GRIK1: variants seen among roughly 807,000 people sequenced by gnomAD.
GRIK1 encodes glutamate receptor ionotropic, kainate 1.
A neutral mutation model predicts 105.7 loss-of-function variants in GRIK1; 69 were observed. The observed-to-expected ratio is 0.65, with a 90% CI of 0.54 to 0.80. The LOEUF is 0.80. Among genes scored for constraint, GRIK1 ranks in the 30% least tolerant of loss-of-function variants. GRIK1 has a pLI of 0.00. For missense variants in GRIK1, 1,109 were observed against 1,167.3 expected (o/e 0.95, Z 0.73); for synonymous variants, 438 against 431.3 (o/e 1.02, Z -0.19).
intron 1 of GRIK1, among the ~76,000 whole-genome samples, chr21:29,851,962 G>A (rs2068320430): frequency 6.6e-6 from 1 of 152,130 alleles, no homozygotes; most frequent in Admixed American, 6.5e-5. Context: ...CACTTACTTA[G>A]ATGTGACATA....
At chr21:29,677,074 C>T (rs1013750642) in intron 3 of GRIK1, among the ~76,000 whole-genome samples, 68 of 152,298 alleles carry the variant, frequency 4.5e-4, no homozygotes, top group African/African-American at 1.5e-3. Flanking sequence ...GTCAAGATAT[C>T]TGCAGCTTAC....
chr21:29,821,844 A>G (rs1216327990), intron 1 of GRIK1, among the ~76,000 whole-genome samples: 2 of 152,070 alleles, frequency 1.3e-5, no homozygotes, highest in African/African-American at 2.4e-5. Context: ...CTATTTTATC[A>G]TACATTTTAT....
chr21:29,777,597 G>A (rs2065979150), intron 1 of GRIK1, among the ~76,000 whole-genome samples: 1 of 152,148 alleles, frequency 6.6e-6, no homozygotes, highest in African/African-American at 2.4e-5. Flanking sequence ...AGAGTGTTAA[G>A]GACATAGGTG....
At chr21:29,782,879 C>T (rs1457874773) in intron 1 of GRIK1, among the ~76,000 whole-genome samples, 1 of 152,134 alleles carries the variant, frequency 6.6e-6, no homozygotes, top group Non-Finnish European at 1.5e-5. Flanking sequence ...AACAATGCTG[C>T]AATGAACATC....
intron 1 of GRIK1, among the ~76,000 whole-genome samples, chr21:29,934,082 T>G (rs1216728023): frequency 8.5e-5 from 13 of 152,190 alleles, no homozygotes; most frequent in Admixed American, 8.5e-4. Context: ...TCTCCATCAA[T>G]CCTTCCTCTA....
At chr21:29,910,870 A>G (rs992068979) in intron 1 of GRIK1, among the ~76,000 whole-genome samples, 1 of 152,036 alleles carries the variant, frequency 6.6e-6, no homozygotes, top group African/African-American at 2.4e-5. Context: ...ATTAAAGAAG[A>G]CAATTGATTT....
At chr21:29,636,675 T>C (rs1402994448) in intron 7 of GRIK1, among the ~76,000 whole-genome samples, 1 of 152,220 alleles carries the variant, frequency 6.6e-6, no homozygotes, top group Non-Finnish European at 1.5e-5. Flanking sequence ...TCTGTTTCCC[T>C]TTCAGCTCTT....
At chr21:29,594,227 CTG>C (rs749675484) in intron 9 of GRIK1, among the ~76,000 whole-genome samples, 3 of 152,004 alleles carry the variant, frequency 2.0e-5, no homozygotes, top group Non-Finnish European at 4.4e-5. Flanking sequence ...ATGTGTGTAC[CTG>C]TGTCTTTTAA....
chr21:29,757,960 C>G (rs575593903), intron 1 of GRIK1, among the ~76,000 whole-genome samples: 1 of 152,350 alleles, frequency 6.6e-6, no homozygotes, highest in African/African-American at 2.4e-5. Flanking sequence ...CTATCTATGA[C>G]AAGTATTTCT....
chr21:29,806,069 T>G (rs1441271560), intron 1 of GRIK1, among the ~76,000 whole-genome samples: 2 of 152,202 alleles, frequency 1.3e-5, no homozygotes, highest in Non-Finnish European at 2.9e-5. Context: ...AAAATTGTGC[T>G]GTGACACCAA....
intron 7 of GRIK1, among the ~76,000 whole-genome samples, chr21:29,640,298 A>G (rs975535200): frequency 6.6e-6 from 1 of 152,052 alleles, no homozygotes; most frequent in African/African-American, 2.4e-5. Context: ...TCTCTTTTGC[A>G]TGTTTTAGGT....
intron 1 of GRIK1, among the ~76,000 whole-genome samples, chr21:29,752,975 C>T (rs1468125787): frequency 1.3e-5 from 2 of 152,234 alleles, no homozygotes; most frequent in African/African-American, 4.8e-5. Flanking sequence ...TTTGATATGA[C>T]AGGCTGCTCT....
chr21:29,913,692 T>C (rs1449273160), intron 1 of GRIK1, among the ~76,000 whole-genome samples: 1 of 150,760 alleles, frequency 6.6e-6, no homozygotes, highest in Non-Finnish European at 1.5e-5. Context: ...TATATATATA[T>C]ATTTGTAGAT....
chr21:29,553,153 A>T, intron 16 of GRIK1: 1 of 911,274 alleles, frequency 1.1e-6, no homozygotes, highest in Non-Finnish European at 1.3e-6. Context: ...GGGAGAAGAA[A>T]AGAGGAGGGA....
At chr21:29,628,683 C>A (rs2062188534) in intron 7 of GRIK1, among the ~76,000 whole-genome samples, 1 of 152,110 alleles carries the variant, frequency 6.6e-6, no homozygotes, top group South Asian at 2.1e-4. Flanking sequence ...GGATCACAAA[C>A]CTGAGACATT....
chr21:29,872,470 C>G (rs534743966), intron 1 of GRIK1, among the ~76,000 whole-genome samples: 1 of 152,072 alleles, frequency 6.6e-6, no homozygotes, highest in African/African-American at 2.4e-5. Context: ...CTTCTTAACA[C>G]GCAAATTATA....
chr21:29,689,935 T>C lies in GRIK1; in HGVS notation c.337A>G (p.Ser113Gly). 6.2e-7 allele frequency: 1 copy of C among 1,613,254 alleles called. No homozygotes were observed. The highest frequency in any genetic ancestry group is 8.5e-7 in the Non-Finnish European group (1 of 1,179,632). The stretch of plus-strand genomic sequence containing the variant: ...GACTGCACAGCACTGACGGAGGAGC[T>C]ATGGGAAGGGCCAAAGAGAGCAGCC... ...GVAALFGPSH[S>G]SSVSAVQSIC... The change falls in exon 3 of 18, where the codon AGC becomes GGC. Residue 113 changes from serine (S) to glycine (G), a missense_variant. By Grantham distance (56) the Ser-to-Gly change is moderately conservative. Transcript: ENST00000327783.
intron 1 of GRIK1, among the ~76,000 whole-genome samples, chr21:29,701,496 TCA>T (rs1298035121): frequency 1.3e-5 from 2 of 152,094 alleles, no homozygotes; most frequent in African/African-American, 4.8e-5. Context: ...GAAGACGAGC[TCA>T]GAGAAGTGAT....
chr21:29,863,689 C>T (rs1192032633), intron 1 of GRIK1, among the ~76,000 whole-genome samples: 1 of 152,082 alleles, frequency 6.6e-6, no homozygotes, highest in Non-Finnish European at 1.5e-5. Flanking sequence ...TTTAAAAGAT[C>T]AGCCATGAGT....
Sources: gnomAD v4.1 joint callset for allele counts (sites outside exome capture counted in the v4.1 genomes callset) on GRCh38, gnomAD v4.1.1 for gene constraint, MANE v1.5 for transcripts, NCBI Gene and HGNC (gene_info 2026-07-23, HGNC 2026-07-21) for gene names.